TPSD1: variants seen among roughly 807,000 people sequenced by gnomAD.
TPSD1 encodes the protein tryptase delta 1.
Under a neutral mutation model 25.4 loss-of-function variants are expected in TPSD1, and 30 were observed. The observed-to-expected ratio is 1.18, with a 90% CI of 0.88 to 1.60. TPSD1 has a LOEUF of 1.60. TPSD1 is among the 40% of genes most tolerant of loss of function. The probability of loss-of-function intolerance (pLI) is 0.00; values close to 1 mark genes in which losing one functional copy is unlikely to be tolerated. For missense variants in TPSD1, 420 were observed against 324.2 expected, an observed-to-expected ratio of 1.30 and a Z score of -2.27; for synonymous variants, 176 against 149.4, an observed-to-expected ratio of 1.18 and a Z score of -1.30.
In TPSD1 at chr16:1,256,551, G is replaced by T; in HGVS notation, c.118G>T (p.Gly40Trp). The T allele has an allele frequency of 1.9e-6, 3 of 1,599,138 alleles. No individual in the cohort carries two copies. The East Asian group carries it at 6.7e-5, about 36-fold the overall frequency. The part of the protein sequence containing the change: ...GQALQQTGIV[G>W]GQEAPRSKWP... ...GGCCCTGCAGCAAACGGGCATTGTT[G>T]GGGGGCAGGAGGCCCCCAGGAGCAA... The change falls in exon 2 of 5, where the codon GGG (glycine) becomes TGG (tryptophan). Residue 40 changes from glycine to tryptophan, a missense_variant. Physicochemically the swap from Gly to Trp is radical, Grantham distance 184. Transcript: ENST00000211076.
At chr16:1,258,280 C>T (rs2031020729) in intron 4 of TPSD1, 52 bp from the exon 5 acceptor site, 2 of 1,611,562 alleles carry the variant, frequency 1.2e-6, no homozygotes, top group Middle Eastern at 1.7e-4. Flanking sequence ...GCGCATCCCT[C>T]ATCCTGACCC....
intron 3 of TPSD1, chr16:1,257,476 C>T (rs2031000889): frequency 1.5e-5 from 4 of 267,276 alleles, no homozygotes; most frequent in Non-Finnish European, 2.8e-5. Context: ...GAATCGGGGT[C>T]GTGGCAGTGC....
chr16:1,256,944 G>A lies in TPSD1; in HGVS notation c.402G>A (p.Leu134=), dbSNP rs1596500775. ...QTGADIALLE[L]EEPVNISSHI... ...GGGCGGACATCGCCCTGCTGGAGCT[G>A]GAGGAGCCCGTGAACATCTCCAGCC... Residue 134 remains leucine, a synonymous_variant, in exon 3 of 5, where the codon CTG becomes CTA. Coordinates refer to ENST00000211076, the MANE Select transcript of TPSD1 (RefSeq NM_012217.3). 6.2e-7 allele frequency: 1 copy of A among 1,613,936 alleles called. No individual in the cohort carries two copies. Among genetic ancestry groups the A allele is most frequent in the African/African-American group, 1.3e-5 (1 of 75,072 alleles).
chr16:1,258,508 G>T lies in TPSD1; in HGVS notation c.*132G>T. The T allele has an allele frequency of 6.2e-7, 1 of 1,610,226 alleles. No individual in the cohort carries two copies. On this transcript the variant is annotated 3_prime_UTR_variant, in exon 5 of 5. Transcript: ENST00000211076. ...CCAAGAAGCCCTGAGCCAGGCCTGG[G>T]GTGTCCACCCGGGTCACTGGAGGGC...
rs770587280 is a variant in TPSD1 at position 1,256,794 on chromosome 16, C to G, written c.255-3C>G. On this transcript the variant is annotated splice_region_variant and splice_polypyrimidine_tract_variant and intron_variant, in intron 2 of 4. Transcript: ENST00000211076. ...GCCCTGAGTGGGATCCTCCGCTGCCCAGGGACATCAAGGATCTGGCCGCCC... is the reference window on the plus strand; with the variant it reads ...GCCCTGAGTGGGATCCTCCGCTGCCGAGGGACATCAAGGATCTGGCCGCCC... The G allele has an allele frequency of 5.0e-6, 8 of 1,612,254 alleles. No individual in the cohort carries two copies. In the African/African-American group the frequency reaches 1.1e-4, roughly 22 times the overall value.
At chr16:1,257,783 G>A (rs1292677376) in intron 3 of TPSD1, among the ~76,000 whole-genome samples, 1 of 152,192 alleles carries the variant, frequency 6.6e-6, no homozygotes, top group Non-Finnish European at 1.5e-5. Context: ...GGAGACACGG[G>A]TCGGGCTCTG....
intron 3 of TPSD1, 122 bp from the exon 4 acceptor site, chr16:1,257,937 G>C: frequency 9.2e-7 from 1 of 1,087,712 alleles, no homozygotes; most frequent in Non-Finnish European, 1.3e-6. Flanking sequence ...CCCCGGGGCT[G>C]CAGGCACAGA....
intron 3 of TPSD1, among the ~76,000 whole-genome samples, chr16:1,257,760 G>C (rs1259023812): frequency 6.6e-6 from 1 of 152,186 alleles, no homozygotes; most frequent in East Asian, 1.9e-4. Context: ...ACGAAAGTCA[G>C]CTGAGCCCAG....
chr16:1,256,475 C>G (rs370537223), intron 1 of TPSD1, 41 bp from the exon 2 acceptor site: 1 of 1,606,570 alleles, frequency 6.2e-7, no homozygotes, highest in Non-Finnish European at 8.5e-7. Context: ...TGGTCCCAGG[C>G]GTGGGGCGGC....
Position 1,258,574 on chromosome 16 carries a change from T to G in TPSD1, c.*198T>G. The G allele has an allele frequency of 1.3e-6, 2 of 1,537,034 alleles. No homozygotes were observed. Among genetic ancestry groups the G allele is most frequent in the Non-Finnish European group, 1.8e-6 (2 of 1,131,348 alleles). On this transcript the variant is annotated 3_prime_UTR_variant, in exon 5 of 5. Transcript: ENST00000211076. ...AAACCACCACTGCTTCCTACCCAGG[T>G]GGTGACTGCCCCCCACACCTTCCCC...
rs1389938846 is a variant in TPSD1 at position 1,256,121 on chromosome 16, T to G, written c.-160T>G. The G allele has an allele frequency of 3.3e-6, 4 of 1,197,426 alleles. No individual in the cohort carries two copies. The highest frequency in any genetic ancestry group is 4.7e-6 in the Non-Finnish European group (4 of 843,392). 74.2% of individuals were successfully genotyped at this position (1,197,426 alleles called of 1,614,324 possible). A position where few individuals can be genotyped will look rare whatever the true frequency, so the allele number is the denominator to read the frequency against. On this transcript the variant is annotated 5_prime_UTR_variant, in exon 1 of 5. Coordinates refer to ENST00000211076, the MANE Select transcript of TPSD1 (RefSeq NM_012217.3). ...GTCCCTACTCTCAGAGACCCTGACA[T>G]CAGCGTCACCTGGAGCAGAGTGGCC...
rs768296802 is a variant in TPSD1, at chr16:1,256,331, C to A, written c.51C>A (p.Pro17=). Residue 17 remains proline (P), a synonymous_variant, in exon 1 of 5, where the codon CCC becomes CCA. Transcript: ENST00000211076. The part of the protein sequence containing the change: ...QMLSLLLLAL[P]VLASPAYVAP... ...TGAGCCTGCTGCTGCTGGCGCTGCC[C>A]GTCCTGGCGAGCCCGGCCTACGTGG... 5.0e-6 allele frequency: 8 copies of A among 1,613,376 alleles called. No individual in the cohort carries two copies. In the Admixed American group the frequency reaches 6.7e-5, roughly 13 times the overall value.
chr16:1,256,684 A>C lies in TPSD1; in HGVS notation c.251A>C (p.Glu84Ala). The change falls in exon 2 of 5, where the codon GAA (glutamate) becomes GCA (alanine). Residue 84 changes from glutamate to alanine, a missense_variant. Physicochemically the swap from Glu to Ala is moderately radical, Grantham distance 107 (BLOSUM62 -1). Coordinates refer to ENST00000211076, the MANE Select transcript of TPSD1 (RefSeq NM_012217.3). Reference sequence around the variant, plus strand: ...GTGCTAACCGCGGCGCACTGCGTGGAACCGTGAGTCTCCTGGGGCCTGGAG... The same window carrying C: ...GTGCTAACCGCGGCGCACTGCGTGGCACCGTGAGTCTCCTGGGGCCTGGAG... ...QWVLTAAHCV[E>A]PDIKDLAALR... 6.7e-7 allele frequency: 1 copy of C among 1,482,794 alleles called. No homozygotes were observed. 91.9% of individuals were successfully genotyped at this position (1,482,794 alleles called of 1,614,324 possible). A position where few individuals can be genotyped will look rare whatever the true frequency, so the allele number is the denominator to read the frequency against.
chr16:1,257,840 C>T (rs2031008223), intron 3 of TPSD1: 4 of 610,896 alleles, frequency 6.5e-6, no homozygotes, highest in African/African-American at 1.9e-5. Flanking sequence ...AGGGCCCTCC[C>T]CTCCCTTCCC....
chr16:1,257,373 C>T, intron 3 of TPSD1: 1 of 462,020 alleles, frequency 2.2e-6, no homozygotes, highest in Non-Finnish European at 3.9e-6. Flanking sequence ...AGAGAGAAAT[C>T]ACACGGGGGT....
chr16:1,256,471 C>T lies in TPSD1; in HGVS notation c.83-45C>T, dbSNP rs368047141. The stretch of plus-strand genomic sequence containing the variant: ...CCCCCACACAGGGAAGGGCTGGTCC[C>T]AGGCGTGGGGCGGCTTCTTGGTCCT... On this transcript the variant is annotated intron_variant, in intron 1 of 4. Coordinates refer to ENST00000211076, the MANE Select transcript of TPSD1 (RefSeq NM_012217.3). The T allele has an allele frequency of 1.1e-3, 1,806 of 1,607,394 alleles. 1 individual carries two copies. The highest frequency in any genetic ancestry group is 1.4e-3 in the Non-Finnish European group (1,599 of 1,177,242).
chr16:1,258,316 C>T lies in TPSD1; in HGVS notation c.685-16C>T, dbSNP rs1378129535. ...CCGAAGCCTGGCCAGCGAGCACTGA[C>T]CTCTGACCTTCCCAGGGTGACTCTG... On this transcript the variant is annotated splice_polypyrimidine_tract_variant and intron_variant, in intron 4 of 4. Coordinates refer to ENST00000211076, the MANE Select transcript of TPSD1 (RefSeq NM_012217.3). The T allele has an allele frequency of 1.2e-6, 2 of 1,613,192 alleles. No homozygotes were observed. Among genetic ancestry groups the T allele is most frequent in the Non-Finnish European group, 1.7e-6 (2 of 1,179,806 alleles).
Position 1,258,659 on chromosome 16 carries a change from T to C in TPSD1, c.*283T>C. ...CCCCTGTCCTGAGCCCCCTCCCCTT[T>C]CTTGATCCCCTCCCCCATCCTGAGC... On this transcript the variant is annotated 3_prime_UTR_variant, in exon 5 of 5. Coordinates refer to ENST00000211076, the MANE Select transcript of TPSD1 (RefSeq NM_012217.3). 2.8e-6 allele frequency: 1 copy of C among 359,170 alleles called. No individual in the cohort carries two copies. Among genetic ancestry groups the C allele is most frequent in the Non-Finnish European group, 4.4e-6 (1 of 226,792 alleles). The allele number at this position is 359,170 out of a possible 1,614,324, so 22.2% of individuals were successfully genotyped here. A position where few individuals can be genotyped will look rare whatever the true frequency, so the allele number is the denominator to read the frequency against.
intron 3 of TPSD1, chr16:1,257,344 T>G (rs2030998096): frequency 1.9e-6 from 1 of 533,466 alleles, no homozygotes; most frequent in Admixed American, 3.3e-5. Flanking sequence ...AGTTTGTACG[T>G]CACGGACTTG....
Sources: allele counts gnomAD v4.1 joint callset (sites outside exome capture counted in the v4.1 genomes callset), GRCh38; gene constraint gnomAD v4.1.1; transcripts MANE v1.5; gene names NCBI Gene and HGNC (gene_info 2026-07-23, HGNC 2026-07-21).